PCDHA1: variants seen among roughly 807,000 people sequenced by gnomAD.
PCDHA1 encodes protocadherin alpha-1.
In PCDHA1, 42 loss-of-function variants were observed where a neutral mutation model predicts 61.3. That is an observed-to-expected ratio of 0.69 (90% confidence interval 0.54 to 0.89). PCDHA1 has a LOEUF of 0.89. Ranked by LOEUF, PCDHA1 falls within the 40% of genes least tolerant of loss-of-function variation. The pLI is 0.00. For synonymous variants in PCDHA1, 610 were observed against 553.8 expected (o/e 1.10, Z -1.43); for missense variants, 1,256 against 1,235.3 (o/e 1.02, Z -0.25).
chr5:140,886,012 T>C (rs1363937487), intron 1 of PCDHA1, among the ~76,000 whole-genome samples: 1 of 152,190 alleles, frequency 6.6e-6, no homozygotes, highest in Non-Finnish European at 1.5e-5. Context: ...TAAAGGGAGA[T>C]GCTATGTATT....
At chr5:140,881,638 A>G (rs1237929257) in intron 1 of PCDHA1, among the ~76,000 whole-genome samples, 1 of 152,214 alleles carries the variant, frequency 6.6e-6, no homozygotes, top group Non-Finnish European at 1.5e-5. Context: ...TCAGTTACCA[A>G]TATTTTTCAC....
At chr5:140,913,282 AG>A (rs1231451737) in intron 1 of PCDHA1, among the ~76,000 whole-genome samples, 20 of 152,154 alleles carry the variant, frequency 1.3e-4, no homozygotes, top group African/African-American at 4.6e-4. Flanking sequence ...TGGTCTGTTT[AG>A]GTTTTAATTT....
In PCDHA1 at chr5:140,981,033, G is replaced by GA. The variant is rs148859655; in HGVS notation, c.2454-1434dup. ...CACTTGAAGGCTGTTAATATTTGGG[G>GA]AAAAAAAACAGATAATTCTAGAGTG... On this transcript the variant is annotated intron_variant, in intron 2 of 3. Transcript: ENST00000504120. 8.2e-3 allele frequency among the ~76,000 whole-genome samples: 1,241 copies of GA among 151,610 alleles called. 19 individuals are homozygous for GA. Among genetic ancestry groups the GA allele is most frequent in the African/African-American group, 0.027 (1,115 of 41,338 alleles).
At chr5:140,795,892 T>A (rs1455564883) in intron 1 of PCDHA1, 5 of 1,613,876 alleles carry the variant, frequency 3.1e-6, no homozygotes, top group Non-Finnish European at 4.2e-6. Context: ...AAAATTAGAT[T>A]ATGAAGAAGC....
At chr5:140,997,668 T>TTGTGTGTGTGTGTGTGTG (rs35184029) in intron 3 of PCDHA1, among the ~76,000 whole-genome samples, 77 of 148,344 alleles carry the variant, frequency 5.2e-4, no homozygotes, top group African/African-American at 1.8e-3. Context: ...ATTATACAGC[T>TTGTGTGTGTGTGTGTGTG]TGTGTGTGTG....
rs2150476991 is a variant in PCDHA1 at position 140,850,274 on chromosome 5, G to T, written c.2394+61590G>T. Reference sequence around the variant, plus strand: ...TGGGCGCCGGCGTAGTGGTGGGGAAGGTGCGCGCAGTGGACGCCGACTCGG... The same window carrying T: ...TGGGCGCCGGCGTAGTGGTGGGGAATGTGCGCGCAGTGGACGCCGACTCGG... On this transcript the variant is annotated intron_variant, in intron 1 of 3. Coordinates refer to ENST00000504120, the MANE Select transcript of PCDHA1 (RefSeq NM_018900.4). The T allele has an allele frequency of 3.8e-6, 6 of 1,595,442 alleles. 1 individual carries two copies. In the African/African-American group the frequency reaches 4.0e-5, roughly 11 times the overall value.
intron 1 of PCDHA1, chr5:140,835,210 ATAT>A: frequency 6.4e-7 from 1 of 1,571,342 alleles, no homozygotes; most frequent in Non-Finnish European, 8.6e-7. Flanking sequence ...TTGAATGGGG[ATAT>A]TATTTACTCC....
At chr5:140,971,643 T>C (rs2096490301) in intron 1 of PCDHA1, among the ~76,000 whole-genome samples, 2 of 152,134 alleles carry the variant, frequency 1.3e-5, no homozygotes, top group African/African-American at 4.8e-5. Flanking sequence ...TGTGCCTACA[T>C]TAAAAGTAGA....
intron 1 of PCDHA1, chr5:140,869,685 T>G: frequency 6.2e-7 from 1 of 1,613,500 alleles, no homozygotes; most frequent in Non-Finnish European, 8.5e-7. Flanking sequence ...GACTGTCACT[T>G]ATTTTAAAGA....
chr5:140,835,866 G>T (rs2150246890), intron 1 of PCDHA1: 3 of 1,612,132 alleles, frequency 1.9e-6, no homozygotes, highest in Admixed American at 3.3e-5. Context: ...CTACTCGCTG[G>T]TGGAGCTGCG....
intron 1 of PCDHA1, among the ~76,000 whole-genome samples, chr5:140,913,928 G>A (rs2076511708): frequency 1.3e-5 from 2 of 151,918 alleles, no homozygotes; most frequent in Non-Finnish European, 2.9e-5. Flanking sequence ...CTTCATTGTG[G>A]TCAGAGAAGA....
At chr5:140,962,455 A>G (rs571453201) in intron 1 of PCDHA1, among the ~76,000 whole-genome samples, 4 of 152,246 alleles carry the variant, frequency 2.6e-5, no homozygotes, top group Non-Finnish European at 4.4e-5. Flanking sequence ...TGAATCTCTT[A>G]TGGCTTGAAT....
rs114699728 is a variant in PCDHA1, at chr5:140,799,596, T to C, written c.2394+10912T>C. Among the ~76,000 whole-genome samples, 1,016 of 152,214 alleles carry C rather than the reference T, an allele frequency of 6.7e-3. 9 individuals carry two copies. The highest frequency in any genetic ancestry group is 0.023 in the African/African-American group (976 of 41,574). On this transcript the variant is annotated intron_variant, in intron 1 of 3. Transcript: ENST00000504120. ...TTGATATTAACAAATATCATTAACT[T>C]ACATTTTTATTTATCTTGCTTGAAA... is the stretch of plus-strand genomic sequence containing the variant.
At chr5:140,821,371 A>G (rs1405228557) in intron 1 of PCDHA1, among the ~76,000 whole-genome samples, 1 of 152,222 alleles carries the variant, frequency 6.6e-6, no homozygotes, top group Non-Finnish European at 1.5e-5. Flanking sequence ...TTTCTGTAAT[A>G]TTTTAATGAC....
intron 1 of PCDHA1, chr5:140,834,530 G>A: frequency 6.2e-7 from 1 of 1,614,068 alleles, no homozygotes; most frequent in Non-Finnish European, 8.5e-7. Context: ...GCCGCATCGC[G>A]CAGGACCTGG....
chr5:140,902,599 G>T (rs981296505), intron 1 of PCDHA1, among the ~76,000 whole-genome samples: 3 of 152,024 alleles, frequency 2.0e-5, no homozygotes, highest in African/African-American at 7.2e-5. Flanking sequence ...GAAACAGGTC[G>T]TTTTCAGTTA....
intron 1 of PCDHA1, chr5:140,809,128 A>G (rs1554125019): frequency 3.1e-6 from 5 of 1,613,956 alleles, no homozygotes; most frequent in Middle Eastern, 1.6e-4. Context: ...GCCACCGCCT[A>G]CTGGTACTGG....
chr5:140,830,725 T>C (rs1319417645), intron 1 of PCDHA1: 15 of 221,188 alleles, frequency 6.8e-5, no homozygotes, highest in African/African-American at 2.7e-4. Flanking sequence ...AACCAAAATA[T>C]TCTTGGATAT....
chr5:140,863,178 C>G (rs1420894530), intron 1 of PCDHA1: 3 of 736,630 alleles, frequency 4.1e-6, no homozygotes, highest in African/African-American at 3.6e-5. Flanking sequence ...TGACTGCCAC[C>G]GTCACCGTGG....
Sources: gnomAD v4.1 joint callset for allele counts (sites outside exome capture counted in the v4.1 genomes callset) on GRCh38, gnomAD v4.1.1 for gene constraint, MANE v1.5 for transcripts, NCBI Gene and HGNC (gene_info 2026-07-23, HGNC 2026-07-21) for gene names.